Variants in FBXW8 observed in about 807,000 individuals in gnomAD.
The protein encoded by FBXW8 is F-box/WD repeat-containing protein 8.
A neutral mutation model predicts 65.3 loss-of-function variants in FBXW8; 57 were observed. That is an observed-to-expected ratio of 0.87 (90% CI 0.71 to 1.09). The LOEUF (loss-of-function observed/expected upper bound fraction) is 1.09. Among genes scored for constraint, FBXW8 ranks in the 50% least tolerant of loss-of-function variants. The pLI is 0.00. For synonymous variants in FBXW8, 308 were observed against 330.2 expected (o/e 0.93, Z 0.73); for missense variants, 777 against 814.8 (o/e 0.95, Z 0.57).
chr12:117,003,821 A>G (rs1953604091), intron 7 of FBXW8, among the ~76,000 whole-genome samples: 1 of 152,212 alleles, frequency 6.6e-6, no homozygotes, highest in African/African-American at 2.4e-5. Flanking sequence ...ATTCTCTTTT[A>G]GGACTTTCTC....
intron 7 of FBXW8, among the ~76,000 whole-genome samples, chr12:116,999,285 G>A (rs1349733928): frequency 6.6e-6 from 1 of 152,210 alleles, no homozygotes; most frequent in Non-Finnish European, 1.5e-5. Context: ...TGCTCTGCTG[G>A]ACCTGGCTTC....
At chr12:116,911,464 A>C in intron 1 of FBXW8, 109 bp downstream of exon 1, 1 of 740,552 alleles carries the variant, frequency 1.4e-6, no homozygotes, top group Non-Finnish European at 1.8e-6. Context: ...TTGCCCGAGA[A>C]AATGAGTAGA....
intron 9 of FBXW8, among the ~76,000 whole-genome samples, chr12:117,026,321 T>A (rs1301858786): frequency 2.1e-5 from 3 of 140,154 alleles, no homozygotes; most frequent in Non-Finnish European, 4.6e-5. Context: ...CTGCCCTCCC[T>A]CCCCGGGTCT....
At chr12:116,946,994 C>T (rs1475227243) in intron 3 of FBXW8, among the ~76,000 whole-genome samples, 3 of 151,954 alleles carry the variant, frequency 2.0e-5, no homozygotes, top group Non-Finnish European at 2.9e-5. Context: ...GGCTTGAATT[C>T]GAAGATGTCA....
chr12:116,940,715 A>ATTAAACAG (rs1184750214), intron 2 of FBXW8, among the ~76,000 whole-genome samples: 1 of 152,154 alleles, frequency 6.6e-6, no homozygotes, highest in African/African-American at 2.4e-5. Flanking sequence ...TATTTAATAA[A>ATTAAACAG]TTAAACAGAC....
rs374502340 is a variant in FBXW8, at chr12:116,985,200, G to A, written c.836-6G>A. 6.3e-7 allele frequency: 1 copy of A among 1,592,624 alleles called. No homozygotes were observed. The highest frequency in any genetic ancestry group is 8.5e-7 in the Non-Finnish European group (1 of 1,171,138). On this transcript the variant is annotated splice_polypyrimidine_tract_variant and splice_region_variant and intron_variant, in intron 5 of 10. Coordinates refer to ENST00000652555, the MANE Select transcript of FBXW8 (RefSeq NM_153348.3). ...ATTGTTACCTGCATTGTTTCTTGCT[G>A]CATAGGGTTTCTTAATATTTGGGAT...
chr12:116,913,903 T>G (rs1453112877), intron 1 of FBXW8, among the ~76,000 whole-genome samples: 1 of 152,172 alleles, frequency 6.6e-6, no homozygotes, highest in East Asian at 1.9e-4. Context: ...TCTGCCCCCT[T>G]CAGAATCACC....
In FBXW8 at chr12:116,945,385, A is replaced by T. The variant is rs747379157; in HGVS notation, c.445A>T (p.Ile149Phe). The stretch of plus-strand genomic sequence containing the variant: ...TTAGGTGAGCAAGACGTGGAAGGTG[A>T]TTGCAGAGGATGAGGTGCTGTGGTA... ...CAQVSKTWKV[I>F]AEDEVLWYRL... Residue 149 changes from isoleucine to phenylalanine, a missense_variant, in exon 3 of 11, where the codon ATT becomes TTT. Ile to Phe is a conservative substitution (Grantham distance 21, BLOSUM62 0). Transcript: ENST00000652555. The T allele has an allele frequency of 6.2e-7, 1 of 1,613,142 alleles. No individual in the cohort carries two copies.
chr12:117,012,102 T>C (rs1311398351), intron 8 of FBXW8, among the ~76,000 whole-genome samples: 1 of 152,054 alleles, frequency 6.6e-6, no homozygotes, highest in Admixed American at 6.5e-5. Context: ...TTGGAACCAA[T>C]CCCCTGTGGA....
In FBXW8 at chr12:117,024,141, G is replaced by A; in HGVS notation, c.1368-6G>A. 6.2e-7 allele frequency: 1 copy of A among 1,612,896 alleles called. No individual in the cohort carries two copies. Among genetic ancestry groups the A allele is most frequent in the Non-Finnish European group, 8.5e-7 (1 of 1,179,358 alleles). ...TCCCTTCTCTGCTCTTCCTGGGCCTGTCCAGGGTGAGGATCCACGACCTCC... is the reference window on the plus strand; with the variant it reads ...TCCCTTCTCTGCTCTTCCTGGGCCTATCCAGGGTGAGGATCCACGACCTCC... On this transcript the variant is annotated splice_polypyrimidine_tract_variant and splice_region_variant and intron_variant, in intron 8 of 10. Transcript: ENST00000652555.
chr12:117,027,941 G>A, intron 10 of FBXW8, 87 bp from the exon 11 acceptor site: 1 of 1,560,918 alleles, frequency 6.4e-7, no homozygotes, highest in South Asian at 1.2e-5. Flanking sequence ...CTGGTCTCAG[G>A]CGAACGCCTC....
chr12:116,931,585 C>T (rs1881774980), intron 2 of FBXW8, among the ~76,000 whole-genome samples: 1 of 152,056 alleles, frequency 6.6e-6, no homozygotes, highest in South Asian at 2.1e-4. Context: ...TCTTTAGCTT[C>T]CTTGGTTGAA....
In FBXW8 at chr12:117,028,473, C is replaced by A; in HGVS notation, c.*301C>A. The A allele has an allele frequency of 2.9e-6, 1 of 344,518 alleles. No homozygotes were observed. The highest frequency in any genetic ancestry group is 5.5e-6 in the Non-Finnish European group (1 of 183,116). The allele number at this position is 344,518 out of a possible 1,614,324, so 21.3% of individuals were successfully genotyped here. A position where few individuals can be genotyped will look rare whatever the true frequency, so the allele number is the denominator to read the frequency against. ...GCCTCAGGGATCTCGCTGCGCGGTCCTATACGGTCCCTGCTTAGCCAGCTT... is the reference window on the plus strand; with the variant it reads ...GCCTCAGGGATCTCGCTGCGCGGTCATATACGGTCCCTGCTTAGCCAGCTT... On this transcript the variant is annotated 3_prime_UTR_variant, in exon 11 of 11. Transcript: ENST00000652555. This position sits in a 1 kb window ranked among gnomAD's most constrained non-coding sequence, Gnocchi z 4.1.
At position 117,019,015 on chromosome 12, in the gene FBXW8, T is replaced by C. The variant is rs78540435; in HGVS notation, c.1368-5132T>C. On this transcript the variant is annotated intron_variant, in intron 8 of 10. Coordinates refer to ENST00000652555, the MANE Select transcript of FBXW8 (RefSeq NM_153348.3). ...CCCAATCCTTTTCAAGTTCCCATTA[T>C]GGACTAAGGTTAGAGTTCTCTTTAC... Among the ~76,000 whole-genome samples, 605 of 152,354 alleles carry C rather than the reference T, an allele frequency of 4.0e-3. 3 individuals carry two copies. Among genetic ancestry groups the C allele is most frequent in the African/African-American group, 0.013 (521 of 41,584 alleles).
intron 4 of FBXW8, among the ~76,000 whole-genome samples, chr12:116,963,744 A>G (rs1018216635): frequency 6.6e-6 from 1 of 152,260 alleles, no homozygotes. Context: ...GAAACCCTGC[A>G]GGAACTATGG....
At chr12:117,000,350 AG>A (rs1953485094) in intron 7 of FBXW8, among the ~76,000 whole-genome samples, 1 of 152,242 alleles carries the variant, frequency 6.6e-6, no homozygotes, top group Non-Finnish European at 1.5e-5. Context: ...GGAAGCAGGA[AG>A]TAAGCACTGA....
chr12:116,935,583 T>C (rs997774184), intron 2 of FBXW8, among the ~76,000 whole-genome samples: 10 of 152,216 alleles, frequency 6.6e-5, no homozygotes, highest in Non-Finnish European at 1.2e-4. Flanking sequence ...ATTCATGTGA[T>C]TGTTTTGGCT....
At chr12:116,986,203 A>G (rs928328985) in intron 6 of FBXW8, 1 of 152,212 alleles carries the variant, frequency 6.6e-6, no homozygotes, top group Admixed American at 6.5e-5. Flanking sequence ...TCTGTTGGGA[A>G]TCTTCTTAGA....
intron 7 of FBXW8, among the ~76,000 whole-genome samples, chr12:117,007,261 G>GAA (rs11293344): frequency 2.7e-5 from 4 of 145,588 alleles, no homozygotes; most frequent in African/African-American, 7.5e-5. Flanking sequence ...AGATCTCTAA[G>GAA]AAAAAAAAAA....
Sources: allele counts gnomAD v4.1 joint callset (sites outside exome capture counted in the v4.1 genomes callset), GRCh38; gene constraint gnomAD v4.1.1; non-coding constraint Gnocchi (gnomAD v3.1); transcripts MANE v1.5; gene names NCBI Gene and HGNC (gene_info 2026-07-23, HGNC 2026-07-21).